MAMDC2: variants seen among roughly 807,000 people sequenced by gnomAD.
MAMDC2 encodes MAM domain-containing protein 2.
MAMDC2 carries 57 observed loss-of-function variants against 89.8 expected under a neutral mutation model. The ratio of observed to expected loss-of-function variants is 0.63; its 90% CI spans 0.51 to 0.79. MAMDC2 has a LOEUF of 0.79. Among genes scored for constraint, MAMDC2 ranks in the 30% least tolerant of loss-of-function variants. MAMDC2 has a pLI of 0.00. For missense variants in MAMDC2, 800 were observed against 820.6 expected, an observed-to-expected ratio of 0.97 and a Z score of 0.31; for synonymous variants, 313 against 293.4, an observed-to-expected ratio of 1.07 and a Z score of -0.68.
At chr9:70,060,455 G>GA (rs1827124153) in intron 2 of MAMDC2, 1 of 152,174 alleles carries the variant, frequency 6.6e-6, no homozygotes, top group South Asian at 2.1e-4. Flanking sequence ...GCAGTGAATA[G>GA]AAAAAATGAA....
intron 2 of MAMDC2, among the ~76,000 whole-genome samples, chr9:70,064,315 C>T (rs1348552931): frequency 6.6e-6 from 1 of 152,080 alleles, no homozygotes; most frequent in Non-Finnish European, 1.5e-5. Flanking sequence ...ATCCCTTACC[C>T]CCTTTCCACC....
At chr9:70,152,220 C>A (rs954795451) in intron 9 of MAMDC2, among the ~76,000 whole-genome samples, 1 of 152,166 alleles carries the variant, frequency 6.6e-6, no homozygotes, top group Non-Finnish European at 1.5e-5. Flanking sequence ...TTATTAATAA[C>A]CCCTTGCTGT....
Position 70,144,942 on chromosome 9 carries a change from G to A in MAMDC2, c.1404+1123G>A, listed in dbSNP as rs943542019. 2.0e-5 allele frequency among the ~76,000 whole-genome samples: 3 copies of A among 152,136 alleles called. No homozygotes were observed. In the East Asian group the frequency reaches 5.8e-4, roughly 29 times the overall value. The stretch of plus-strand genomic sequence containing the variant: ...TTTAGTCCATTACAAAACCCTCCAG[G>A]ACATCATTAAACTTTACCATGGTTA... On this transcript the variant is annotated intron_variant, in intron 9 of 13. Transcript: ENST00000377182.
At chr9:70,099,358 T>G (rs1321845668) in intron 2 of MAMDC2, among the ~76,000 whole-genome samples, 1 of 152,228 alleles carries the variant, frequency 6.6e-6, no homozygotes, top group African/African-American at 2.4e-5. Context: ...CTTTTTCATT[T>G]TTTTGAAAGT....
At chr9:70,088,951 C>CCAGG (rs1827830302) in intron 2 of MAMDC2, 1 of 152,036 alleles carries the variant, frequency 6.6e-6, no homozygotes. Flanking sequence ...GTACACTACA[C>CCAGG]CAGGAATTGT....
chr9:70,049,901 C>T (rs1826853319), intron 2 of MAMDC2, among the ~76,000 whole-genome samples: 1 of 152,152 alleles, frequency 6.6e-6, no homozygotes, highest in Non-Finnish European at 1.5e-5. Flanking sequence ...TGGAGGTCAT[C>T]CAGTGCTGCC....
intron 4 of MAMDC2, among the ~76,000 whole-genome samples, chr9:70,112,514 C>T (rs939630022): frequency 1.3e-5 from 2 of 152,084 alleles, no homozygotes; most frequent in Non-Finnish European, 2.9e-5. Flanking sequence ...GAGGACTGGG[C>T]CAGTAGATTC....
chr9:70,082,750 T>C (rs1376304561), intron 2 of MAMDC2: 1 of 152,146 alleles, frequency 6.6e-6, no homozygotes, highest in Non-Finnish European at 1.5e-5. Context: ...GTTTCTGGCA[T>C]AATTACTGTT....
At chr9:70,102,275 A>C (rs3015194) in intron 2 of MAMDC2, among the ~76,000 whole-genome samples, 9,755 of 152,210 alleles carry the variant, frequency 0.064, 998 homozygotes, top group African/African-American at 0.21. Flanking sequence ...CTAGGTTATA[A>C]TTTACAAATC....
Position 70,141,300 on chromosome 9 carries a change from C to T in MAMDC2, c.1138+1012C>T, listed in dbSNP as rs183989633. Among the ~76,000 whole-genome samples, 11 of 152,188 alleles carry T rather than the reference C, an allele frequency of 7.2e-5. 1 individual carries two copies. The highest frequency in any genetic ancestry group is 3.4e-3 in the Middle Eastern group (1 of 294). ...TTCTGGGAGCAGTGAACTGATGAAA[C>T]GGGGAACTGTTTAGGGACAAAAAGA... On this transcript the variant is annotated intron_variant, in intron 8 of 13. Coordinates refer to ENST00000377182, the MANE Select transcript of MAMDC2 (RefSeq NM_153267.5).
intron 11 of MAMDC2, among the ~76,000 whole-genome samples, chr9:70,172,353 G>T (rs2032374627): frequency 6.6e-6 from 1 of 152,194 alleles, no homozygotes; most frequent in African/African-American, 2.4e-5. Context: ...GAAGGTGGAA[G>T]ATGGATTAAA....
Position 70,140,227 on chromosome 9 carries a change from T to G in MAMDC2, c.1077T>G (p.Gly359=). The G allele has an allele frequency of 6.2e-7, 1 of 1,601,152 alleles. No homozygotes were observed. The highest frequency in any genetic ancestry group is 8.5e-7 in the Non-Finnish European group (1 of 1,176,060). Residue 359 remains glycine (G), a synonymous_variant, in exon 8 of 14, where the codon GGT becomes GGG. Coordinates refer to ENST00000377182, the MANE Select transcript of MAMDC2 (RefSeq NM_153267.5). ...TTTACCAAGATAAAGAAGGTCCAGG[T>G]TGGACCCGAGTGAAAGTAAAACCAA... The part of the protein sequence containing the change: ...CNFYQDKEGP[G]WTRVKVKPNM...
At chr9:70,219,771 G>A (rs770638276) in intron 12 of MAMDC2, among the ~76,000 whole-genome samples, 9 of 152,174 alleles carry the variant, frequency 5.9e-5, no homozygotes, top group South Asian at 2.1e-4. Context: ...ATGTCTGTTC[G>A]AAAGAAGAAA....
intron 2 of MAMDC2, among the ~76,000 whole-genome samples, chr9:70,046,753 A>G (rs1463136501): frequency 6.6e-6 from 1 of 152,196 alleles, no homozygotes; most frequent in Admixed American, 6.5e-5. Context: ...ATTCTTTCTA[A>G]CAACCACTGC....
intron 11 of MAMDC2, among the ~76,000 whole-genome samples, chr9:70,180,709 T>G (rs550292026): frequency 9.9e-5 from 15 of 152,272 alleles, no homozygotes; most frequent in African/African-American, 3.6e-4. Context: ...TTGATGGGGG[T>G]TGGTTTTTTC....
chr9:70,066,225 G>A (rs1587439249), intron 2 of MAMDC2, among the ~76,000 whole-genome samples: 1 of 152,204 alleles, frequency 6.6e-6, no homozygotes, highest in East Asian at 1.9e-4. Flanking sequence ...CAGGTTCCAA[G>A]TGCTCCAGGC....
chr9:70,223,049 G>A (rs967607930), intron 12 of MAMDC2, among the ~76,000 whole-genome samples: 1 of 150,100 alleles, frequency 6.7e-6, no homozygotes, highest in African/African-American at 2.5e-5. Context: ...TAAGGCAAGA[G>A]GATCACTTGA....
rs1826971271 is a variant in MAMDC2 at position 70,054,003 on chromosome 9, C to G, written c.148+9306C>G. On this transcript the variant is annotated intron_variant, in intron 2 of 13. Coordinates refer to ENST00000377182, the MANE Select transcript of MAMDC2 (RefSeq NM_153267.5). ...GTAATGAGTCAGAGGAAGAGTGACT[C>G]TGAAATTTCTAGTTTGGGCAGCTGT... 2.6e-5 allele frequency among the ~76,000 whole-genome samples: 4 copies of G among 152,046 alleles called. No homozygotes were observed. In the South Asian group the frequency reaches 8.3e-4, roughly 32 times the overall value.
At chr9:70,165,783 C>T (rs56735283) in intron 9 of MAMDC2, among the ~76,000 whole-genome samples, 10,487 of 152,202 alleles carry the variant, frequency 0.069, 574 homozygotes, top group East Asian at 0.22. Context: ...TGAGCATCTT[C>T]GAATGTGGCT....
Sources: gnomAD v4.1 joint callset for allele counts (sites outside exome capture counted in the v4.1 genomes callset) on GRCh38, gnomAD v4.1.1 for gene constraint, MANE v1.5 for transcripts, NCBI Gene and HGNC (gene_info 2026-07-23, HGNC 2026-07-21) for gene names.